The following SLC35F4 variants were observed in gnomAD, a reference collection of about 807,000 sequenced individuals.
SLC35F4 encodes solute carrier family 35 member F4.
Under a neutral mutation model 44.2 loss-of-function variants are expected in SLC35F4, and 24 were observed. The ratio of observed to expected loss-of-function variants is 0.54; its 90% CI spans 0.39 to 0.76. The LOEUF (loss-of-function observed/expected upper bound fraction) is 0.76. Among genes scored for constraint, SLC35F4 ranks in the 30% least tolerant of loss-of-function variants. The pLI is 0.00. For synonymous variants in SLC35F4, 238 were observed against 223.6 expected, an observed-to-expected ratio of 1.06 and a Z score of -0.57; for missense variants, 562 against 586.1, an observed-to-expected ratio of 0.96 and a Z score of 0.42.
chr14:57,716,116 C>T (rs2075933530), intron 1 of SLC35F4, among the ~76,000 whole-genome samples: 1 of 152,158 alleles, frequency 6.6e-6, no homozygotes, highest in Non-Finnish European at 1.5e-5. Context: ...GTGAACACCA[C>T]TGTGTGCGTG....
chr14:57,969,419 TA>T (rs1198638448), intron 1 of SLC35F4, among the ~76,000 whole-genome samples: 2 of 152,234 alleles, frequency 1.3e-5, no homozygotes, highest in African/African-American at 4.8e-5. Context: ...TGAACATTTT[TA>T]TTGCAAAATA....
chr14:57,807,989 C>A (rs980430482), intron 1 of SLC35F4, among the ~76,000 whole-genome samples: 3 of 151,570 alleles, frequency 2.0e-5, no homozygotes, highest in South Asian at 4.2e-4. Context: ...ATAAAACCAT[C>A]GGATCTTTTG....
At chr14:57,771,900 CT>C (rs1054426900) in intron 1 of SLC35F4, among the ~76,000 whole-genome samples, 122 of 150,472 alleles carry the variant, frequency 8.1e-4, no homozygotes, top group African/African-American at 2.5e-3. Context: ...GGTCTGAATA[CT>C]TTTTTTTTTA....
At chr14:57,740,666 T>C (rs1021080945) in intron 1 of SLC35F4, among the ~76,000 whole-genome samples, 2 of 152,214 alleles carry the variant, frequency 1.3e-5, no homozygotes, top group Admixed American at 6.5e-5. Flanking sequence ...ATTTCTACCA[T>C]AGAGAAAAGA....
chr14:57,823,946 T>A (rs1413728665), intron 1 of SLC35F4, among the ~76,000 whole-genome samples: 1 of 152,138 alleles, frequency 6.6e-6, no homozygotes, highest in East Asian at 1.9e-4. Context: ...CATTTTAAGA[T>A]TTGTCTCTAC....
At chr14:57,623,586 T>G (rs1463358773) in intron 1 of SLC35F4, among the ~76,000 whole-genome samples, 1 of 151,804 alleles carries the variant, frequency 6.6e-6, no homozygotes, top group African/African-American at 2.4e-5. Flanking sequence ...TGCAAAAGAA[T>G]GGAAATCATA....
intron 1 of SLC35F4, chr14:57,595,939 A>G (rs1336407337): frequency 6.6e-6 from 1 of 152,268 alleles, no homozygotes; most frequent in African/African-American, 2.4e-5. Flanking sequence ...GAGTGGGGAC[A>G]GTTAATGAGT....
At chr14:57,656,007 A>G (rs1305145806) in intron 1 of SLC35F4, among the ~76,000 whole-genome samples, 1 of 152,008 alleles carries the variant, frequency 6.6e-6, no homozygotes, top group Non-Finnish European at 1.5e-5. Flanking sequence ...TGCTGCTGCC[A>G]GGATCACAAG....
intron 3 of SLC35F4, among the ~76,000 whole-genome samples, chr14:57,585,830 A>G (rs950995040): frequency 1.3e-5 from 2 of 152,246 alleles, no homozygotes; most frequent in African/African-American, 4.8e-5. Flanking sequence ...AAGAGAGGAC[A>G]CAAACGGGTG....
chr14:57,777,774 CATA>C (rs755264303), intron 1 of SLC35F4, among the ~76,000 whole-genome samples: 10 of 151,500 alleles, frequency 6.6e-5, no homozygotes, highest in Admixed American at 2.0e-4. Context: ...GAACTTAAAG[CATA>C]ATAATAATAA....
intron 1 of SLC35F4, among the ~76,000 whole-genome samples, chr14:57,665,378 T>G (rs73305927): frequency 0.026 from 3,940 of 152,202 alleles, 159 homozygotes; most frequent in African/African-American, 0.089. Context: ...ATATTTGTAT[T>G]TCACTTTAAA....
chr14:57,632,678 G>A (rs1343846123), intron 1 of SLC35F4, among the ~76,000 whole-genome samples: 1 of 151,894 alleles, frequency 6.6e-6, no homozygotes, highest in Admixed American at 6.6e-5. Flanking sequence ...GTTTACATTA[G>A]GGTTCACTCT....
intron 1 of SLC35F4, among the ~76,000 whole-genome samples, chr14:57,683,839 T>C (rs2074983235): frequency 6.6e-6 from 1 of 152,038 alleles, no homozygotes; most frequent in African/African-American, 2.4e-5. Flanking sequence ...TGATCTCTCT[T>C]CTATCCACCC....
chr14:57,974,333 C>A (rs563411929), downstream of SLC35F4, among the ~76,000 whole-genome samples: 1 of 152,222 alleles, frequency 6.6e-6, no homozygotes, highest in South Asian at 2.1e-4. Context: ...AGCTGCAAGC[C>A]TTCTTTTGAT....
intron 1 of SLC35F4, among the ~76,000 whole-genome samples, chr14:57,774,154 A>G (rs2077432878): frequency 6.6e-6 from 1 of 152,232 alleles, no homozygotes; most frequent in East Asian, 1.9e-4. Context: ...AGATCTTTAG[A>G]GGGAAGGCAC....
intron 1 of SLC35F4, among the ~76,000 whole-genome samples, chr14:57,633,345 C>T (rs913121137): frequency 3.3e-5 from 5 of 152,004 alleles, no homozygotes; most frequent in African/African-American, 1.2e-4. Flanking sequence ...TTTGCATTTC[C>T]ACTACAATAA....
chr14:57,909,805 A>T (rs1889182357), intron 1 of SLC35F4, among the ~76,000 whole-genome samples: 1 of 152,168 alleles, frequency 6.6e-6, no homozygotes, highest in East Asian at 1.9e-4. Flanking sequence ...TTATGTGGAC[A>T]TAAGTTTTCA....
intron 1 of SLC35F4, among the ~76,000 whole-genome samples, chr14:57,600,042 G>A (rs2070723785): frequency 6.6e-6 from 1 of 152,104 alleles, no homozygotes; most frequent in South Asian, 2.1e-4. Context: ...AGTGGAAAGA[G>A]GATCTGGAGG....
At chr14:57,564,629 C>A (rs2068113992) in intron 7 of SLC35F4, among the ~76,000 whole-genome samples, 1 of 152,150 alleles carries the variant, frequency 6.6e-6, no homozygotes, top group African/African-American at 2.4e-5. Context: ...CAGTACTTTT[C>A]CTCTTTACCC....
Sources: allele counts gnomAD v4.1 joint callset (sites outside exome capture counted in the v4.1 genomes callset), GRCh38; gene constraint gnomAD v4.1.1; transcripts MANE v1.5; gene names NCBI Gene and HGNC (gene_info 2026-07-23, HGNC 2026-07-21).